Variants in CDH26 observed in about 807,000 individuals in gnomAD.
CDH26 encodes cadherin-like protein 26.
In CDH26, 83 loss-of-function variants were observed where a neutral mutation model predicts 90.3. The observed-to-expected ratio is 0.92, with a 90% CI of 0.77 to 1.10. The LOEUF (loss-of-function observed/expected upper bound fraction) is 1.10, where lower values mean the gene tolerates loss of function less well. Among genes scored for constraint, CDH26 ranks in the 50% least tolerant of loss-of-function variants. The probability of loss-of-function intolerance (pLI) is 0.00; values close to 1 mark genes in which losing one functional copy is unlikely to be tolerated. For missense variants in CDH26, 1,013 were observed against 1,037.6 expected, an observed-to-expected ratio of 0.98 and a Z score of 0.33; for synonymous variants, 397 against 396.3, an observed-to-expected ratio of 1.00 and a Z score of -0.02.
chr20:60,018,536 T>C (rs1440565092), downstream of CDH26, among the ~76,000 whole-genome samples: 1 of 151,902 alleles, frequency 6.6e-6, no homozygotes, highest in East Asian at 1.9e-4. Flanking sequence ...TATAGTTGGG[T>C]TATTTTAAAA....
chr20:59,995,923 A>G lies in CDH26; in HGVS notation c.1757A>G (p.Gln586Arg). 1 of 1,614,258 alleles carries G rather than the reference A, an allele frequency of 6.2e-7. No individual in the cohort carries two copies. Among genetic ancestry groups the G allele is most frequent in the South Asian group, 1.1e-5 (1 of 91,088 alleles). ...LFIGDKQGLSQKQTVHVRICP... is the reference protein window; with the variant it reads ...LFIGDKQGLSRKQTVHVRICP... ...ATTGGAGACAAACAGGGACTTTCCCAGAAGCAAACTGTCCATGTAAGGATC... is the reference window on the plus strand; with the variant it reads ...ATTGGAGACAAACAGGGACTTTCCCGGAAGCAAACTGTCCATGTAAGGATC... The change falls in exon 12 of 18, where the codon CAG becomes CGG. Residue 586 changes from glutamine to arginine, a missense_variant. Transcript: ENST00000348616.
chr20:59,968,174 T>C (rs1454204064), intron 1 of CDH26, among the ~76,000 whole-genome samples: 2 of 151,202 alleles, frequency 1.3e-5, no homozygotes, highest in Non-Finnish European at 2.9e-5. Flanking sequence ...CAAATCTCAC[T>C]GCAACCTCCG....
intron 4 of CDH26, 58 bp from the exon 5 acceptor site, chr20:59,982,865 A>G (rs1022059047): frequency 1.9e-6 from 3 of 1,573,614 alleles, no homozygotes; most frequent in Non-Finnish European, 2.6e-6. Flanking sequence ...CAGTTATTTT[A>G]TTAGAGTGTC....
chr20:59,989,299 C>A (rs112463639), intron 9 of CDH26, 136 bp downstream of exon 9: 18,765 of 1,107,354 alleles, frequency 0.017, 231 homozygotes, highest in South Asian at 0.038. Context: ...GAGGCCGAGG[C>A]GGGTGGATCA....
At chr20:59,984,059 C>T (rs1423047538) in intron 5 of CDH26, among the ~76,000 whole-genome samples, 2 of 152,160 alleles carry the variant, frequency 1.3e-5, no homozygotes, top group Non-Finnish European at 2.9e-5. Context: ...AGCATGAATT[C>T]AGAGATGTAG....
chr20:60,024,485 T>C (rs538075873), intron 7 of CDH26, among the ~76,000 whole-genome samples: 1 of 152,348 alleles, frequency 6.6e-6, no homozygotes, highest in East Asian at 1.9e-4. Flanking sequence ...CTCCCTTATG[T>C]TGGATGTATT....
intron 3 of CDH26, among the ~76,000 whole-genome samples, chr20:59,970,497 T>TTC (rs1327992966): frequency 2.6e-5 from 4 of 151,996 alleles, no homozygotes; most frequent in African/African-American, 9.7e-5. Context: ...TTTTTTTTTT[T>TTC]TTAAATATTA....
At position 59,958,434 on chromosome 20, in the gene CDH26, T is replaced by C. The variant is rs141320809; in HGVS notation, c.-293T>C. On this transcript the variant is annotated 5_prime_UTR_variant, in exon 1 of 18. Transcript: ENST00000348616. ...TGAGGTCAGACCCCAGCCAGTCTTTTGTGTACGTGCAGGACCATGGTGGCT... is the reference window on the plus strand; with the variant it reads ...TGAGGTCAGACCCCAGCCAGTCTTTCGTGTACGTGCAGGACCATGGTGGCT... 6.3e-4 allele frequency: 194 copies of C among 306,210 alleles called. 1 individual carries two copies. The highest frequency in any genetic ancestry group is 3.9e-3 in the African/African-American group (182 of 46,126). 19.0% of individuals were successfully genotyped at this position (306,210 alleles called of 1,614,324 possible).
rs1264947769 is a variant in CDH26 at position 60,013,368 on chromosome 20, G to A, written c.*638G>A. The A allele has an allele frequency of 2.0e-5, 3 of 152,212 alleles. No homozygotes were observed. Among genetic ancestry groups the A allele is most frequent in the African/African-American group, 4.8e-5 (2 of 41,460 alleles). The allele number at this position is 152,212 out of a possible 1,614,324, so 9.4% of individuals were successfully genotyped here. ...ACATAATTTAACTTGTATGTATTAT[G>A]TAAGTAAAAGAGTTAGGAGCCTTTG... On this transcript the variant is annotated 3_prime_UTR_variant, in exon 18 of 18. Transcript: ENST00000348616.
intron 4 of CDH26, among the ~76,000 whole-genome samples, chr20:59,976,938 C>G (rs146086087): frequency 6.6e-6 from 1 of 152,036 alleles, no homozygotes; most frequent in African/African-American, 2.4e-5. Flanking sequence ...CTTAGAGGCC[C>G]CCTGGGAGGG....
At chr20:59,962,070 C>T (rs920155943) in intron 1 of CDH26, among the ~76,000 whole-genome samples, 2 of 152,082 alleles carry the variant, frequency 1.3e-5, no homozygotes, top group Non-Finnish European at 2.9e-5. Flanking sequence ...TGATGGGTTG[C>T]AGAAGGTGGG....
intron 4 of CDH26, among the ~76,000 whole-genome samples, chr20:59,973,703 G>T (rs534964113): frequency 6.6e-6 from 1 of 152,314 alleles, no homozygotes; most frequent in Non-Finnish European, 1.5e-5. Flanking sequence ...CTCCATCCAT[G>T]TTCCTGCAAA....
In CDH26 at chr20:59,988,927, A is replaced by C. The variant is rs1292630617; in HGVS notation, c.1047A>C (p.Pro349=). 10 of 1,614,142 alleles carry C rather than the reference A, an allele frequency of 6.2e-6. No homozygotes were observed. In the South Asian group the frequency reaches 1.1e-4, roughly 18 times the overall value. ...AGCCTTTGGATTATGAGACTCGCCC[A>C]GCGCAAAGCCTCATCATTGTCGTGG... ...VIKPLDYETR[P]AQSLIIVVEN... is the part of the protein sequence containing the mutation. Residue 349 remains proline, a synonymous_variant, in exon 9 of 18, where the codon CCA becomes CCC. Transcript: ENST00000348616.
At chr20:60,029,232 G>A (rs2062021540) in intron 7 of CDH26, among the ~76,000 whole-genome samples, 1 of 152,106 alleles carries the variant, frequency 6.6e-6, no homozygotes, top group Non-Finnish European at 1.5e-5. Context: ...TACATGAGAG[G>A]AATCAGTCCT....
rs1392194122 is a variant in CDH26 at position 59,984,633 on chromosome 20, T to G, written c.542-6T>G. ...GATAGTAACAATTTTTAAAAATTCT[T>G]TCTAGGGCAACCTATTTTTCAGATG... On this transcript the variant is annotated splice_polypyrimidine_tract_variant and splice_region_variant and intron_variant, in intron 5 of 17. Transcript: ENST00000348616. The G allele has an allele frequency of 1.9e-6, 3 of 1,605,236 alleles. No individual in the cohort carries two copies. Among genetic ancestry groups the G allele is most frequent in the Non-Finnish European group, 2.5e-6 (3 of 1,177,454 alleles).
chr20:60,016,659 A>G (rs570036175), downstream of CDH26, among the ~76,000 whole-genome samples: 21 of 151,028 alleles, frequency 1.4e-4, no homozygotes, highest in Admixed American at 1.2e-3. Context: ...GTTGAATACA[A>G]GAAGAGAGAG....
chr20:60,004,465 T>C (rs1469678152), intron 16 of CDH26, among the ~76,000 whole-genome samples: 2 of 152,062 alleles, frequency 1.3e-5, no homozygotes, highest in African/African-American at 2.4e-5. Context: ...ACAATGGTGT[T>C]TGTGTATCTA....
chr20:59,970,890 A>G (rs1025880853), intron 3 of CDH26, among the ~76,000 whole-genome samples: 1 of 152,026 alleles, frequency 6.6e-6, no homozygotes, highest in African/African-American at 2.4e-5. Context: ...CCTTCTAAAG[A>G]CTTTTAAAAA....
chr20:59,991,262 T>G (rs140976459), intron 9 of CDH26, among the ~76,000 whole-genome samples: 29 of 152,326 alleles, frequency 1.9e-4, no homozygotes, highest in Non-Finnish European at 1.3e-4. Flanking sequence ...GGTTGGCTCA[T>G]ACTTAGGTCT....
Sources: allele counts gnomAD v4.1 joint callset (sites outside exome capture counted in the v4.1 genomes callset), GRCh38; gene constraint gnomAD v4.1.1; transcripts MANE v1.5; gene names NCBI Gene and HGNC (gene_info 2026-07-23, HGNC 2026-07-21).